Variants in TDRD3 observed in about 807,000 individuals in gnomAD.
TDRD3 encodes the protein tudor domain-containing protein 3.
TDRD3 carries 45 observed loss-of-function variants against 86.7 expected under a neutral mutation model. That is an observed-to-expected ratio of 0.52 (90% CI 0.41 to 0.67). The LOEUF is 0.67. Ranked by LOEUF, TDRD3 falls within the 30% of genes least tolerant of loss-of-function variation. The pLI, the probability that TDRD3 is intolerant of heterozygous loss-of-function variation, is 0.00. For synonymous variants in TDRD3, 298 were observed against 301.7 expected, an observed-to-expected ratio of 0.99 and a Z score of 0.13; for missense variants, 814 against 889.0, an observed-to-expected ratio of 0.92 and a Z score of 1.07.
At chr13:60,415,456 A>T (rs1246228633) in intron 1 of TDRD3, among the ~76,000 whole-genome samples, 3 of 152,126 alleles carry the variant, frequency 2.0e-5, no homozygotes. Context: ...TATAATTAAC[A>T]TATTGGTAAT....
intron 7 of TDRD3, among the ~76,000 whole-genome samples, chr13:60,490,923 G>A (rs895626864): frequency 2.0e-5 from 3 of 151,902 alleles, no homozygotes; most frequent in African/African-American, 7.2e-5. Context: ...TTTGAGACCA[G>A]CCTGACCAAC....
intron 12 of TDRD3, among the ~76,000 whole-genome samples, chr13:60,566,971 T>C (rs1352372822): frequency 6.6e-6 from 1 of 152,222 alleles, no homozygotes; most frequent in Non-Finnish European, 1.5e-5. Context: ...ATTCCTCCCC[T>C]ATTCCAAACC....
intron 5 of TDRD3, among the ~76,000 whole-genome samples, chr13:60,477,893 A>G (rs1474935931): frequency 6.6e-6 from 1 of 152,190 alleles, no homozygotes; most frequent in African/African-American, 2.4e-5. Flanking sequence ...TGTGCAAAGA[A>G]GTAGGGAGAA....
intron 1 of TDRD3, among the ~76,000 whole-genome samples, chr13:60,404,162 C>T (rs1051754076): frequency 6.6e-6 from 1 of 152,082 alleles, no homozygotes; most frequent in African/African-American, 2.4e-5. Flanking sequence ...ATGTCTTGTG[C>T]TCTTTGGCTA....
intron 7 of TDRD3, among the ~76,000 whole-genome samples, chr13:60,491,227 A>C (rs1206315743): frequency 1.3e-5 from 2 of 151,770 alleles, no homozygotes; most frequent in Non-Finnish European, 2.9e-5. Flanking sequence ...AGCAGGTGTG[A>C]GGGGAGGAGG....
intron 7 of TDRD3, 106 bp downstream of exon 7, chr13:60,486,054 G>C (rs1002515606): frequency 8.6e-7 from 1 of 1,168,164 alleles, no homozygotes; most frequent in East Asian, 2.9e-5. Flanking sequence ...TTCAACAAAC[G>C]CTTAACCTTA....
intron 1 of TDRD3, among the ~76,000 whole-genome samples, chr13:60,438,733 T>TA (rs1955180075): frequency 6.6e-5 from 10 of 152,118 alleles, no homozygotes; most frequent in Admixed American, 2.6e-4. Flanking sequence ...AGTCTAGTGT[T>TA]GAGAGTTGAT....
At chr13:60,417,206 G>A (rs1038387856) in intron 1 of TDRD3, among the ~76,000 whole-genome samples, 3 of 151,656 alleles carry the variant, frequency 2.0e-5, no homozygotes, top group African/African-American at 4.8e-5. Context: ...GTAGAGATGG[G>A]CTCTTGCTAT....
rs553067660 is a variant in TDRD3, at chr13:60,526,485, G to A, written c.1142-1882G>A. On this transcript the variant is annotated intron_variant, in intron 10 of 13. Transcript: ENST00000377881. ...ATTCTTCCCGAAATCTTTACTCCTG[G>A]GCAGTAAACAATGCCAGCAGAAACT... 2.1e-3 allele frequency among the ~76,000 whole-genome samples: 324 copies of A among 151,968 alleles called. 3 individuals are homozygous for A. Among genetic ancestry groups the A allele is most frequent in the African/African-American group, 7.4e-3 (306 of 41,430 alleles).
chr13:60,410,168 A>G (rs1418829498), intron 1 of TDRD3, among the ~76,000 whole-genome samples: 2 of 152,146 alleles, frequency 1.3e-5, no homozygotes, highest in African/African-American at 4.8e-5. Flanking sequence ...TGGAACTGTA[A>G]GTCCTGTTAA....
chr13:60,548,107 G>A lies in TDRD3; in HGVS notation c.2118+12874G>A, dbSNP rs1300151574. On this transcript the variant is annotated intron_variant, in intron 12 of 13. Transcript: ENST00000377881. ...ATAGTTCAGAGTTAAAAGTTCTTCA[G>A]AGGTCTCACTGAAAGCTTAACCTGA... Among the ~76,000 whole-genome samples the A allele has an allele frequency of 2.0e-5, 3 of 152,326 alleles. No homozygotes were observed. The East Asian group carries it at 5.8e-4, about 29-fold the overall frequency.
chr13:60,499,661 G>T (rs1030868802), intron 8 of TDRD3, among the ~76,000 whole-genome samples: 1 of 152,184 alleles, frequency 6.6e-6, no homozygotes, highest in African/African-American at 2.4e-5. Flanking sequence ...CCAGAGGATG[G>T]GAAATAAATC....
intron 1 of TDRD3, among the ~76,000 whole-genome samples, chr13:60,414,629 T>G (rs1311650952): frequency 6.6e-6 from 1 of 152,164 alleles, no homozygotes; most frequent in East Asian, 1.9e-4. Context: ...TATCCTTATT[T>G]GTAGTGACTA....
At chr13:60,463,022 A>G (rs1955834522) in intron 4 of TDRD3, among the ~76,000 whole-genome samples, 1 of 152,220 alleles carries the variant, frequency 6.6e-6, no homozygotes, top group Non-Finnish European at 1.5e-5. Context: ...TGGCAAAAGG[A>G]TAGTCTCTTT....
At position 60,467,277 on chromosome 13, in the gene TDRD3, C is replaced by T. The variant is rs2138081564; in HGVS notation, c.393C>T (p.Gly131=). The change falls in exon 5 of 14, where the codon GGC becomes GGT. Residue 131 remains glycine (G), a synonymous_variant. Coordinates refer to ENST00000377881, the MANE Select transcript of TDRD3 (RefSeq NM_001146070.2). ...TPPGTKVKLS[G]IVDIKNGFLL... The stretch of plus-strand genomic sequence containing the variant: ...CTGGAACTAAAGTTAAGCTCTCAGG[C>T]ATTGTTGACATAAAAAATGGATTCC... The T allele has an allele frequency of 6.2e-7, 1 of 1,613,860 alleles. No homozygotes were observed. The highest frequency in any genetic ancestry group is 2.2e-5 in the East Asian group (1 of 44,888).
chr13:60,509,252 T>C (rs553353935), intron 8 of TDRD3, among the ~76,000 whole-genome samples: 130 of 152,120 alleles, frequency 8.5e-4, no homozygotes, highest in Non-Finnish European at 1.6e-3. Flanking sequence ...GGTATAGCTG[T>C]CAAAGCATCA....
At chr13:60,405,861 T>C (rs1191010560) in intron 1 of TDRD3, among the ~76,000 whole-genome samples, 3 of 152,138 alleles carry the variant, frequency 2.0e-5, no homozygotes, top group African/African-American at 7.2e-5. Flanking sequence ...GACTATGAAA[T>C]AGATGGTGAT....
rs192535302 is a variant in TDRD3, at chr13:60,465,863, G to A, written c.354-1375G>A. Among the ~76,000 whole-genome samples the A allele has an allele frequency of 3.4e-3, 514 of 152,194 alleles. 4 individuals carry two copies. Among genetic ancestry groups the A allele is most frequent in the African/African-American group, 0.012 (490 of 41,522 alleles). ...AGTATTTACCTTAGAAGTACTATTT[G>A]CAGTACTTCTTGCTGTATGTGAGAA... On this transcript the variant is annotated intron_variant, in intron 4 of 13. Transcript: ENST00000377881.
At chr13:60,432,644 T>C (rs1046381147) in intron 1 of TDRD3, among the ~76,000 whole-genome samples, 1 of 152,206 alleles carries the variant, frequency 6.6e-6, no homozygotes, top group African/African-American at 2.4e-5. Flanking sequence ...TTCGTATGGG[T>C]AATTTTTAAA....
Sources: gnomAD v4.1 joint callset for allele counts (sites outside exome capture counted in the v4.1 genomes callset) on GRCh38, gnomAD v4.1.1 for gene constraint, MANE v1.5 for transcripts, NCBI Gene and HGNC (gene_info 2026-07-23, HGNC 2026-07-21) for gene names.